Variants in PEX7 observed in about 807,000 individuals in gnomAD.
The protein encoded by PEX7 is PTS2 receptor.
In PEX7, 34 loss-of-function variants were observed where a neutral mutation model predicts 47.5. The ratio of observed to expected loss-of-function variants is 0.72; its 90% confidence interval spans 0.54 to 0.95. PEX7 has a LOEUF of 0.95. Ranked by LOEUF, PEX7 falls within the 40% of genes least tolerant of loss-of-function variation. PEX7 has a pLI of 0.00. For missense variants in PEX7, 394 were observed against 400.3 expected (o/e 0.98, Z 0.13); for synonymous variants, 141 against 148.8 (o/e 0.95, Z 0.38).
At chr6:136,865,785 TATC>T (rs1268719160) in intron 5 of PEX7, among the ~76,000 whole-genome samples, 2 of 151,762 alleles carry the variant, frequency 1.3e-5, no homozygotes. Context: ...CTCAAAAAAA[TATC>T]AAAATAAATA....
At chr6:136,845,813 TA>T (rs561801070) in intron 4 of PEX7, 121 bp downstream of exon 4, 556 of 700,772 alleles carry the variant, frequency 7.9e-4, no homozygotes, top group Admixed American at 1.2e-3. Flanking sequence ...AGCTTTCTTT[TA>T]AAAAAAAAAT....
chr6:136,849,622 T>C (rs1364028994), intron 5 of PEX7, among the ~76,000 whole-genome samples: 1 of 152,212 alleles, frequency 6.6e-6, no homozygotes, highest in Non-Finnish European at 1.5e-5. Context: ...CCAGTAGTCA[T>C]TCAGGAGCGG....
At chr6:136,842,897 G>T (rs543049187) in intron 3 of PEX7, among the ~76,000 whole-genome samples, 2 of 152,194 alleles carry the variant, frequency 1.3e-5, no homozygotes, top group Non-Finnish European at 2.9e-5. Flanking sequence ...AATGGGGCAC[G>T]TCTTGATGGA....
intron 7 of PEX7, among the ~76,000 whole-genome samples, chr6:136,870,365 A>C (rs545535945): frequency 7.9e-5 from 12 of 152,172 alleles, no homozygotes; most frequent in Non-Finnish European, 1.5e-4. Context: ...TTGTTGAAAC[A>C]GATGTAAAGA....
intron 7 of PEX7, 146 bp from the exon 8 acceptor site, chr6:136,872,052 A>T: frequency 1.5e-6 from 1 of 676,686 alleles, no homozygotes; most frequent in East Asian, 2.8e-5. Context: ...AAATTATAGC[A>T]TATATGCTTT....
intron 8 of PEX7, among the ~76,000 whole-genome samples, chr6:136,879,368 C>T (rs956158268): frequency 3.9e-5 from 6 of 152,102 alleles, no homozygotes; most frequent in African/African-American, 7.2e-5. Flanking sequence ...TGTAGCTTTC[C>T]TACTTGGAGG....
intron 5 of PEX7, among the ~76,000 whole-genome samples, chr6:136,861,923 C>T (rs919870618): frequency 9.7e-5 from 14 of 144,108 alleles, no homozygotes; most frequent in African/African-American, 2.3e-4. Flanking sequence ...TATAATGCAG[C>T]GTGACATCCA....
At chr6:136,848,847 A>C (rs1236099006) in intron 5 of PEX7, among the ~76,000 whole-genome samples, 1 of 152,154 alleles carries the variant, frequency 6.6e-6, no homozygotes, top group African/African-American at 2.4e-5. Context: ...CTTTGGTATC[A>C]GTATGCTGCT....
At chr6:136,887,597 C>T (rs548199547) in intron 8 of PEX7, among the ~76,000 whole-genome samples, 4 of 151,760 alleles carry the variant, frequency 2.6e-5, no homozygotes, top group African/African-American at 4.8e-5. Context: ...AATATTCCTT[C>T]ATATGCGTAT....
intron 5 of PEX7, among the ~76,000 whole-genome samples, chr6:136,861,563 C>T (rs1038271516): frequency 5.3e-5 from 8 of 151,972 alleles, no homozygotes; most frequent in South Asian, 2.1e-4. Context: ...ATGGAAACCT[C>T]GAGCTTAATT....
chr6:136,887,784 A>G (rs749613445), intron 8 of PEX7, among the ~76,000 whole-genome samples: 1 of 152,210 alleles, frequency 6.6e-6, no homozygotes, highest in Non-Finnish European at 1.5e-5. Context: ...TAAGACCCTA[A>G]AATACCTTCT....
At position 136,822,639 on chromosome 6, in the gene PEX7, C is replaced by T. The variant is rs1413484423; in HGVS notation, c.-27C>T. ...CTCGGAACGGCTTCCGCGGCCGGGG[C>T]AGCGAGGGCCGGGGGCGGCGGGCGG... On this transcript the variant is annotated 5_prime_UTR_variant, in exon 1 of 10. Transcript: ENST00000318471. 1.3e-6 allele frequency: 2 copies of T among 1,522,258 alleles called. No individual in the cohort carries two copies. Among genetic ancestry groups the T allele is most frequent in the South Asian group, 1.2e-5 (1 of 83,716 alleles). 94.3% of individuals were successfully genotyped at this position (1,522,258 alleles called of 1,614,324 possible).
At chr6:136,850,407 T>A (rs1774721739) in intron 5 of PEX7, among the ~76,000 whole-genome samples, 1 of 152,184 alleles carries the variant, frequency 6.6e-6, no homozygotes, top group African/African-American at 2.4e-5. Flanking sequence ...CATTATGATG[T>A]TAGCTGGTTA....
intron 5 of PEX7, among the ~76,000 whole-genome samples, chr6:136,846,511 A>T (rs1355406841): frequency 6.6e-6 from 1 of 151,348 alleles, no homozygotes; most frequent in Non-Finnish European, 1.5e-5. Context: ...ACCCCATGAC[A>T]GGCCCCGGTG....
At chr6:136,904,997 C>T (rs1016927002) in intron 9 of PEX7, among the ~76,000 whole-genome samples, 5 of 152,146 alleles carry the variant, frequency 3.3e-5, no homozygotes, top group Non-Finnish European at 7.3e-5. Context: ...GCTCTTGGTC[C>T]TACTCAACTT....
intron 5 of PEX7, among the ~76,000 whole-genome samples, chr6:136,847,285 T>C (rs1004961584): frequency 6.6e-6 from 1 of 152,162 alleles, no homozygotes; most frequent in African/African-American, 2.4e-5. Context: ...TTTCTCCCAT[T>C]TCGTAGGTTG....
At chr6:136,842,591 C>T (rs993317352) in intron 3 of PEX7, among the ~76,000 whole-genome samples, 3 of 152,080 alleles carry the variant, frequency 2.0e-5, no homozygotes, top group African/African-American at 7.2e-5. Context: ...TGAGTATTTA[C>T]TTAGTAGTTC....
At chr6:136,896,063 A>T (rs1213317467) in intron 8 of PEX7, among the ~76,000 whole-genome samples, 1 of 152,124 alleles carries the variant, frequency 6.6e-6, no homozygotes, top group African/African-American at 2.4e-5. Context: ...AGCTGCACAC[A>T]TGTGTCTTTG....
chr6:136,862,393 T>A (rs982679924), intron 5 of PEX7, among the ~76,000 whole-genome samples: 3 of 151,738 alleles, frequency 2.0e-5, no homozygotes, highest in Non-Finnish European at 4.4e-5. Flanking sequence ...TTTACGTTTT[T>A]GAGACAGGGT....
Sources: gnomAD v4.1 joint callset for allele counts (sites outside exome capture counted in the v4.1 genomes callset) on GRCh38, gnomAD v4.1.1 for gene constraint, MANE v1.5 for transcripts, NCBI Gene and HGNC (gene_info 2026-07-23, HGNC 2026-07-21) for gene names.